Variants in FAP observed in about 807,000 individuals in gnomAD.
FAP encodes the protein prolyl endopeptidase FAP.
In FAP, 110 loss-of-function variants were observed where a neutral mutation model predicts 126.5. The ratio of observed to expected loss-of-function variants is 0.87; its 90% CI spans 0.74 to 1.02. FAP has a LOEUF of 1.02. Among genes scored for constraint, FAP ranks in the 50% least tolerant of loss-of-function variants. FAP has a pLI of 0.00. For missense variants in FAP, 919 were observed against 909.2 expected (o/e 1.01, Z -0.14); for synonymous variants, 334 against 297.3 (o/e 1.12, Z -1.27).
intron 2 of FAP, among the ~76,000 whole-genome samples, chr2:162,228,890 A>T (rs1689773934): frequency 6.6e-6 from 1 of 152,178 alleles, no homozygotes; most frequent in African/African-American, 2.4e-5. Flanking sequence ...AAATTATAAC[A>T]CTATTCATAG....
intron 14 of FAP, 88 bp downstream of exon 14, chr2:162,202,784 T>C (rs943990351): frequency 1.1e-6 from 1 of 932,298 alleles, no homozygotes; most frequent in East Asian, 2.4e-5. Context: ...AAAAATCTTC[T>C]TAACTAAGAG....
At chr2:162,242,479 G>A (rs2106311063) in intron 2 of FAP, among the ~76,000 whole-genome samples, 1 of 152,126 alleles carries the variant, frequency 6.6e-6, no homozygotes, top group East Asian at 1.9e-4. Flanking sequence ...TAAATTTTTG[G>A]AAAGACTATT....
rs377602616 is a variant in FAP at position 162,211,751 on chromosome 2, T to C, written c.1003-1755A>G. ...GAGGAAGCATAATATAAAAGATGTT[T>C]CTTCCCCTAACTATAAATTTCTTAA... is the stretch of plus-strand genomic sequence containing the variant. On this transcript the variant is annotated intron_variant, in intron 11 of 25. Coordinates refer to ENST00000188790, the MANE Select transcript of FAP (RefSeq NM_004460.5). Among the ~76,000 whole-genome samples, 12 of 152,338 alleles carry C rather than the reference T, an allele frequency of 7.9e-5. 1 individual carries two copies. Among genetic ancestry groups the C allele is most frequent in the African/African-American group, 2.4e-4 (10 of 41,574 alleles).
intron 18 of FAP, 104 bp from the exon 19 acceptor site, chr2:162,189,276 T>C (rs1208894395): frequency 1.7e-6 from 1 of 589,172 alleles, no homozygotes; most frequent in Non-Finnish European, 2.9e-6. Flanking sequence ...TTTCAACTAC[T>C]AAATTGTTAA....
chr2:162,226,724 T>G (rs1173878089), intron 2 of FAP, 103 bp from the exon 3 acceptor site: 1 of 620,854 alleles, frequency 1.6e-6, no homozygotes, highest in African/African-American at 1.9e-5. Context: ...AGTAATAAGA[T>G]CTGCTGTTTG....
intron 19 of FAP, 146 bp from the exon 20 acceptor site, chr2:162,188,509 A>G: frequency 2.7e-6 from 2 of 742,544 alleles, no homozygotes; most frequent in East Asian, 2.7e-5. Flanking sequence ...AATCAAGAGG[A>G]GTCCAGGCTT....
intron 16 of FAP, among the ~76,000 whole-genome samples, chr2:162,196,669 T>C (rs889855186): frequency 1.3e-5 from 2 of 152,058 alleles, no homozygotes; most frequent in African/African-American, 4.8e-5. Context: ...TCGATATAAT[T>C]TTACCTGTTT....
intron 17 of FAP, among the ~76,000 whole-genome samples, chr2:162,190,108 AT>A (rs1413032572): frequency 1.3e-5 from 2 of 152,048 alleles, no homozygotes; most frequent in Admixed American, 1.3e-4. Flanking sequence ...TTCTTTTATC[AT>A]ATACTTAAAA....
intron 7 of FAP, 111 bp downstream of exon 7, chr2:162,219,741 AG>A (rs1689306026): frequency 1.3e-6 from 1 of 750,246 alleles, no homozygotes; most frequent in Non-Finnish European, 2.3e-6. Flanking sequence ...CCACTAAAAT[AG>A]TCATGAATGT....
At chr2:162,181,255 C>T (rs572251759) in intron 21 of FAP, among the ~76,000 whole-genome samples, 2 of 151,520 alleles carry the variant, frequency 1.3e-5, no homozygotes, top group South Asian at 2.1e-4. Flanking sequence ...CCAGCCTGGG[C>T]AACAGAGAGC....
chr2:162,189,551 A>C, intron 18 of FAP, 105 bp downstream of exon 18: 1 of 647,926 alleles, frequency 1.5e-6, no homozygotes, highest in Non-Finnish European at 2.7e-6. Flanking sequence ...TGTAATATTA[A>C]TAGATCGCAG....
At chr2:162,223,912 T>A (rs367728367) in intron 5 of FAP, among the ~76,000 whole-genome samples, 2 of 152,114 alleles carry the variant, frequency 1.3e-5, no homozygotes, top group Non-Finnish European at 2.9e-5. Flanking sequence ...ATAAAAAGCA[T>A]ATCCAAAGAA....
rs747839298 is a variant in FAP at position 162,242,992 on chromosome 2, T to C, written c.7A>G (p.Thr3Ala). 1 of 1,610,470 alleles carries C rather than the reference T, an allele frequency of 6.2e-7. No individual in the cohort carries two copies. Among genetic ancestry groups the C allele is most frequent in the South Asian group, 1.1e-5 (1 of 90,570 alleles). The change falls in exon 2 of 26, where the codon ACT (threonine) becomes GCT (alanine). Residue 3 changes from threonine to alanine, a missense_variant and splice_region_variant. Transcript: ENST00000188790. MK[T>A]WVKIVFGVAT... ...ACTCCAAATACGATTTTTACCCAAG[T>C]CTACATAAAATAAAGAGAATTAGGC...
In FAP at chr2:162,189,123, C is replaced by T. The variant is rs202178223; in HGVS notation, c.1599G>A (p.Lys533=). ...CATACACTTGAATTAGCAAGGGATA[C>T]TTCTTTGATCTGTCAAATTGAGGAG... ...ILPPQFDRSK[K]YPLLIQVYGG... The change falls in exon 19 of 26, where the codon AAG becomes AAA. Residue 533 remains lysine, a synonymous_variant. Coordinates refer to ENST00000188790, the MANE Select transcript of FAP (RefSeq NM_004460.5). 4 of 1,600,154 alleles carry T rather than the reference C, an allele frequency of 2.5e-6. No individual in the cohort carries two copies. Among genetic ancestry groups the T allele is most frequent in the African/African-American group, 1.3e-5 (1 of 74,478 alleles).
intron 16 of FAP, chr2:162,198,369 C>T: frequency 7.8e-7 from 1 of 1,280,508 alleles, no homozygotes; most frequent in Non-Finnish European, 1.0e-6. Context: ...TATCAGAGAA[C>T]ATTTCTTTTT....
At chr2:162,213,625 A>G (rs1041133129) in intron 11 of FAP, among the ~76,000 whole-genome samples, 2 of 152,042 alleles carry the variant, frequency 1.3e-5, no homozygotes, top group African/African-American at 4.8e-5. Context: ...TGGACTGCCA[A>G]TGTTATAATC....
At position 162,172,862 on chromosome 2, in the gene FAP, T is replaced by C; in HGVS notation, c.2130A>G (p.Ser710=). 1.2e-6 allele frequency: 2 copies of C among 1,612,954 alleles called. No homozygotes were observed. Among genetic ancestry groups the C allele is most frequent in the Middle Eastern group, 1.7e-4 (1 of 6,056 alleles). Residue 710 remains serine (S), a synonymous_variant, in exon 25 of 26, where the codon TCA becomes TCG. Transcript: ENST00000188790. ...TAACCAGAGCTTTAGCAATCTGTGCTGAGTTTTGAAAGTGCACATTATCTG... is the reference window on the plus strand; with the variant it reads ...TAACCAGAGCTTTAGCAATCTGTGCCGAGTTTTGAAAGTGCACATTATCTG... ...TADDNVHFQN[S]AQIAKALVNA...
At chr2:162,193,762 A>T (rs1688137467) in intron 17 of FAP, 1 of 152,038 alleles carries the variant, frequency 6.6e-6, no homozygotes, top group South Asian at 2.1e-4. Flanking sequence ...TCCCAAATTG[A>T]TTCTGTTTTT....
At chr2:162,214,659 A>G (rs1215626563) in intron 10 of FAP, among the ~76,000 whole-genome samples, 1 of 150,962 alleles carries the variant, frequency 6.6e-6, no homozygotes, top group African/African-American at 2.4e-5. Flanking sequence ...AGCATGAACT[A>G]GTAGGTAGAG....
Sources: allele counts gnomAD v4.1 joint callset (sites outside exome capture counted in the v4.1 genomes callset), GRCh38; gene constraint gnomAD v4.1.1; transcripts MANE v1.5; gene names NCBI Gene and HGNC (gene_info 2026-07-23, HGNC 2026-07-21).